Variants in BLTP1 observed in about 807,000 individuals in gnomAD.
BLTP1 encodes the protein fragile site-associated protein.
At chr4:122,152,360 C>T in the BLTP1 span, 4 of 985,802 alleles carry the variant, frequency 4.1e-6, no homozygotes, top group Non-Finnish European at 3.6e-6. Flanking sequence ...GTTGGGACCC[C>T]TCCCCTCCTC....
chr4:122,275,919 G>A, the BLTP1 span: 12 of 1,478,790 alleles, frequency 8.1e-6, no homozygotes, highest in Admixed American at 1.5e-4. Context: ...GTGCATGAAT[G>A]TTTATTTGCC....
At chr4:122,262,971 C>G in the BLTP1 span, 1 of 1,613,502 alleles carries the variant, frequency 6.2e-7, no homozygotes, top group East Asian at 2.2e-5. Flanking sequence ...AAGTAGCTCC[C>G]TAACGAGAAC....
chr4:122,198,108 G>A, the BLTP1 span: 1 of 985,180 alleles, frequency 1.0e-6, no homozygotes, highest in Admixed American at 6.1e-5. Context: ...AGCAGGCAGA[G>A]GGTTGACTAC....
chr4:122,154,112 GGTAA>G, the BLTP1 span: 120 of 983,114 alleles, frequency 1.2e-4, no homozygotes, highest in Admixed American at 2.4e-3. Context: ...AAAAAACTTG[GGTAA>G]GTATTTTTGG....
the BLTP1 span, chr4:122,219,229 A>G: frequency 6.8e-7 from 1 of 1,468,692 alleles, no homozygotes. Context: ...ATGCCTTTTT[A>G]TTAAATATAA....
At chr4:122,351,432 T>C in the BLTP1 span, 1 of 158,730 alleles carries the variant, frequency 6.3e-6, no homozygotes, top group Non-Finnish European at 1.4e-5. Flanking sequence ...CTTTCCATTT[T>C]GCTAATTATC....
chr4:122,233,696 A>G, the BLTP1 span, among the ~76,000 whole-genome samples: 1 of 152,164 alleles, frequency 6.6e-6, no homozygotes, highest in South Asian at 2.1e-4. Flanking sequence ...TCCACTTCTA[A>G]GTTGTTTCAC....
the BLTP1 span, chr4:122,331,698 G>A: frequency 1.0e-6 from 1 of 977,272 alleles, no homozygotes; most frequent in Middle Eastern, 5.3e-4. Context: ...TTCTTATACA[G>A]TTTCTTATAA....
At chr4:122,249,489 T>G in the BLTP1 span, 1 of 1,612,896 alleles carries the variant, frequency 6.2e-7, no homozygotes, top group East Asian at 2.2e-5. Context: ...TAATAGACAT[T>G]GGGACCTGTG....
chr4:122,282,513 G>A, the BLTP1 span, among the ~76,000 whole-genome samples: 1 of 152,098 alleles, frequency 6.6e-6, no homozygotes, highest in Admixed American at 6.5e-5. Context: ...ATGATGGCAG[G>A]CACCTGTAAT....
the BLTP1 span, chr4:122,264,210 C>T: frequency 4.6e-6 from 7 of 1,521,952 alleles, no homozygotes; most frequent in South Asian, 4.2e-5. Flanking sequence ...GTTTCTATTC[C>T]CCAATAATTT....
At chr4:122,341,609 AC>A in the BLTP1 span, 5 of 894,588 alleles carry the variant, frequency 5.6e-6, no homozygotes, top group African/African-American at 9.0e-5. Flanking sequence ...TCCTTAGAAA[AC>A]AACATAAATG....
At chr4:122,254,189 A>G in the BLTP1 span, 6 of 1,612,528 alleles carry the variant, frequency 3.7e-6, no homozygotes, top group Admixed American at 1.7e-5. Flanking sequence ...ATTCTATTTT[A>G]TATAGGATGA....
the BLTP1 span, among the ~76,000 whole-genome samples, chr4:122,158,534 G>C: frequency 6.6e-6 from 1 of 152,168 alleles, no homozygotes; most frequent in East Asian, 1.9e-4. Context: ...TTGGGAGGCT[G>C]AGGTGGGTGG....
At chr4:122,200,583 C>CAAAAAAAAAAAAAAAAAAAAAA in the BLTP1 span, 2 of 645,768 alleles carry the variant, frequency 3.1e-6, 1 homozygote, top group Non-Finnish European at 3.6e-6. Context: ...CGTCTCAAAA[C>CAAAAAAAAAAAAAAAAAAAAAA]AAAAAAAAAA....
the BLTP1 span, chr4:122,246,299 G>T: frequency 6.4e-7 from 1 of 1,562,868 alleles, no homozygotes; most frequent in Non-Finnish European, 8.6e-7. Context: ...CATACCAAAG[G>T]TAACAATTTA....
At chr4:122,224,582 G>A in the BLTP1 span, 1 of 1,614,090 alleles carries the variant, frequency 6.2e-7, no homozygotes, top group Non-Finnish European at 8.5e-7. Flanking sequence ...TATGTTCTCA[G>A]CAGAAGGTCT....
the BLTP1 span, chr4:122,281,440 A>G: frequency 1.4e-6 from 2 of 1,431,062 alleles, no homozygotes; most frequent in Non-Finnish European, 1.8e-6. Context: ...TTCACAGTAT[A>G]TATTTGCTAT....
the BLTP1 span, among the ~76,000 whole-genome samples, chr4:122,214,818 C>T: frequency 9.2e-5 from 14 of 151,560 alleles, no homozygotes; most frequent in African/African-American, 1.2e-4. Flanking sequence ...CGCCATGTTG[C>T]GCAGGCTGGT....
Sources: gnomAD v4.1 joint callset for allele counts (sites outside exome capture counted in the v4.1 genomes callset) on GRCh38, gnomAD v4.1.1 for gene constraint, MANE v1.5 for transcripts, NCBI Gene and HGNC (gene_info 2026-07-23, HGNC 2026-07-21) for gene names.